The following LAMP3 variants were observed in gnomAD, a reference collection of about 807,000 sequenced individuals.
LAMP3 encodes the protein lysosome-associated membrane glycoprotein 3.
A neutral mutation model predicts 34.8 loss-of-function variants in LAMP3; 26 were observed. That is an observed-to-expected ratio of 0.75 (90% CI 0.55 to 1.04). The LOEUF (loss-of-function observed/expected upper bound fraction) is 1.04, where lower values mean the gene tolerates loss of function less well. Among genes scored for constraint, LAMP3 ranks in the 50% least tolerant of loss-of-function variants. The pLI is 0.00. For synonymous variants in LAMP3, 180 were observed against 201.9 expected (o/e 0.89, Z 0.92); for missense variants, 495 against 524.0 (o/e 0.94, Z 0.54).
intron 1 of LAMP3, chr3:183,161,817 T>G (rs1287828650): frequency 7.6e-6 from 2 of 264,448 alleles, no homozygotes; most frequent in Non-Finnish European, 1.2e-5. Context: ...AGCGTGATGA[T>G]GACTTCCTCT....
chr3:183,135,403 C>T (rs1308168618), intron 5 of LAMP3, among the ~76,000 whole-genome samples: 1 of 152,110 alleles, frequency 6.6e-6, no homozygotes, highest in Non-Finnish European at 1.5e-5. Flanking sequence ...GAATTTACAC[C>T]CAACAGGACA....
upstream of LAMP3, among the ~76,000 whole-genome samples, chr3:183,163,275 C>A (rs1005371843): frequency 1.5e-5 from 2 of 130,412 alleles, no homozygotes; most frequent in Non-Finnish European, 3.1e-5. Context: ...TCTTTTATTT[C>A]TTTTCTTTTT....
At chr3:183,146,400 A>G (rs1258567292) in intron 3 of LAMP3, among the ~76,000 whole-genome samples, 3 of 152,190 alleles carry the variant, frequency 2.0e-5, no homozygotes, top group Non-Finnish European at 2.9e-5. Flanking sequence ...AAAAATCTAG[A>G]AGGCTTTCTT....
chr3:183,127,237 C>A (rs1277431623), intron 5 of LAMP3, among the ~76,000 whole-genome samples: 1 of 152,138 alleles, frequency 6.6e-6, no homozygotes, highest in African/African-American at 2.4e-5. Context: ...TGAGGTCAGC[C>A]ATCCTCCCAC....
At chr3:183,151,113 C>A (rs1720616472) in intron 3 of LAMP3, among the ~76,000 whole-genome samples, 1 of 152,216 alleles carries the variant, frequency 6.6e-6, no homozygotes, top group South Asian at 2.1e-4. Flanking sequence ...AGTTTACATA[C>A]CCCATTTCTA....
At chr3:183,124,692 C>T (rs1254272921) in intron 5 of LAMP3, among the ~76,000 whole-genome samples, 3 of 151,870 alleles carry the variant, frequency 2.0e-5, no homozygotes, top group Non-Finnish European at 4.4e-5. Flanking sequence ...ATTAGCCGGG[C>T]GTGGTGGCAC....
intron 1 of LAMP3, among the ~76,000 whole-genome samples, chr3:183,159,325 C>T (rs550132006): frequency 3.3e-5 from 5 of 152,248 alleles, no homozygotes; most frequent in African/African-American, 1.2e-4. Context: ...TGTGTAAGGG[C>T]GCAGAGGCTT....
chr3:183,146,780 G>A (rs1053606707), intron 3 of LAMP3, among the ~76,000 whole-genome samples: 2 of 151,576 alleles, frequency 1.3e-5, no homozygotes, highest in African/African-American at 4.8e-5. Context: ...CACCCACCTC[G>A]GCCTCCCAAA....
chr3:183,140,656 T>A, intron 3 of LAMP3, 61 bp from the exon 4 acceptor site: 2 of 1,124,250 alleles, frequency 1.8e-6, no homozygotes, highest in Non-Finnish European at 2.7e-6. Context: ...ACAATCTTGG[T>A]TTATAAACTT....
chr3:183,145,060 A>T (rs1354624219), intron 3 of LAMP3, among the ~76,000 whole-genome samples: 1 of 152,122 alleles, frequency 6.6e-6, no homozygotes. Context: ...GCCCGGCCAA[A>T]GGGGTGGAGG....
intron 4 of LAMP3, among the ~76,000 whole-genome samples, chr3:183,139,213 A>G (rs1720195414): frequency 6.6e-6 from 1 of 152,068 alleles, no homozygotes; most frequent in Non-Finnish European, 1.5e-5. Context: ...AACGTGGAGA[A>G]ACCCCGTCTC....
intron 4 of LAMP3, among the ~76,000 whole-genome samples, chr3:183,136,421 G>C (rs1202796095): frequency 1.3e-5 from 2 of 152,122 alleles, no homozygotes; most frequent in African/African-American, 4.8e-5. Flanking sequence ...GGAGGCCGAG[G>C]CGGTCAGATC....
chr3:183,135,688 GT>G, intron 5 of LAMP3, 28 bp downstream of exon 5: 1 of 1,609,532 alleles, frequency 6.2e-7, no homozygotes, highest in Non-Finnish European at 8.5e-7. Flanking sequence ...TAAAGTGTAT[GT>G]TTGCAACCTG....
intron 3 of LAMP3, among the ~76,000 whole-genome samples, chr3:183,140,993 T>G (rs1234474420): frequency 2.0e-5 from 3 of 152,254 alleles, no homozygotes; most frequent in Non-Finnish European, 4.4e-5. Flanking sequence ...ATTCTTATCC[T>G]GAGACCACTC....
intron 5 of LAMP3, chr3:183,131,933 C>T: frequency 1.0e-6 from 1 of 985,366 alleles, no homozygotes; most frequent in Non-Finnish European, 1.2e-6. Context: ...GAATGTACTG[C>T]TTTTGGTGAA....
At chr3:183,150,402 G>A (rs1490978687) in intron 3 of LAMP3, among the ~76,000 whole-genome samples, 1 of 152,148 alleles carries the variant, frequency 6.6e-6, no homozygotes, top group Non-Finnish European at 1.5e-5. Flanking sequence ...AGGCCTGATG[G>A]CAGCTGCCCT....
At chr3:183,158,554 AT>A (rs1318395683) in intron 1 of LAMP3, among the ~76,000 whole-genome samples, 1 of 135,840 alleles carries the variant, frequency 7.4e-6, no homozygotes, top group Non-Finnish European at 1.5e-5. Context: ...GCCTTGATCC[AT>A]TGCTTGGACT....
At chr3:183,134,628 T>TCC (rs1317670943) in intron 5 of LAMP3, among the ~76,000 whole-genome samples, 196 of 152,316 alleles carry the variant, frequency 1.3e-3, no homozygotes, top group African/African-American at 4.6e-3. Context: ...CTCATATGAC[T>TCC]GTGGGACTCC....
rs538212893 is a variant in LAMP3 at position 183,162,672 on chromosome 3, G to C, written c.-17C>G. On this transcript the variant is annotated 5_prime_UTR_variant, in exon 1 of 6. Transcript: ENST00000265598. The stretch of plus-strand genomic sequence containing the variant: ...CCGGGGCATGGTGGGCGCTGGGCGA[G>C]GTTCTGCAGCGTGCGGCGAAGTCCG... 1.5e-5 allele frequency: 23 copies of C among 1,520,684 alleles called. No individual in the cohort carries two copies. In the African/African-American group the frequency reaches 3.1e-4, roughly 20 times the overall value. 94.2% of individuals were successfully genotyped at this position (1,520,684 alleles called of 1,614,324 possible).
Sources: allele counts gnomAD v4.1 joint callset (sites outside exome capture counted in the v4.1 genomes callset), GRCh38; gene constraint gnomAD v4.1.1; transcripts MANE v1.5; gene names NCBI Gene and HGNC (gene_info 2026-07-23, HGNC 2026-07-21).